The following SGCZ variants were observed in gnomAD, a reference collection of about 807,000 sequenced individuals.
SGCZ encodes the protein sarcoglycan zeta.
A neutral mutation model predicts 41.3 loss-of-function variants in SGCZ; 40 were observed. That is an observed-to-expected ratio of 0.97 (90% CI 0.75 to 1.26). The LOEUF (loss-of-function observed/expected upper bound fraction) is 1.26. Ranked by LOEUF, SGCZ falls within the 50% of genes most tolerant of loss-of-function variation. SGCZ has a pLI of 0.00. For missense variants in SGCZ, 552 were observed against 369.8 expected (o/e 1.49, Z -4.04); for synonymous variants, 206 against 137.5 (o/e 1.50, Z -3.49).
chr8:14,528,836 A>AT (rs1563388597), intron 2 of SGCZ, among the ~76,000 whole-genome samples: 1 of 21,900 alleles, frequency 4.6e-5, no homozygotes, highest in Non-Finnish European at 1.0e-4. Flanking sequence ...CCAAAAAAAA[A>AT]ACAAAACAAA....
chr8:14,583,339 C>G (rs1044443100), intron 1 of SGCZ, among the ~76,000 whole-genome samples: 18 of 152,168 alleles, frequency 1.2e-4, no homozygotes, highest in African/African-American at 4.3e-4. Context: ...GTCCTTCGCC[C>G]ACTTTTTGAT....
intron 2 of SGCZ, among the ~76,000 whole-genome samples, chr8:14,537,429 G>A (rs905175464): frequency 2.0e-5 from 3 of 151,890 alleles, no homozygotes; most frequent in Non-Finnish European, 2.9e-5. Context: ...AAACAAGACA[G>A]AGAAAAATAA....
intron 2 of SGCZ, among the ~76,000 whole-genome samples, chr8:14,372,435 C>T (rs1803948345): frequency 6.6e-6 from 1 of 152,058 alleles, no homozygotes; most frequent in South Asian, 2.1e-4. Flanking sequence ...GAGAAGTGAG[C>T]ATGAGAGGAT....
chr8:14,109,497 G>C (rs564412728), intron 5 of SGCZ, among the ~76,000 whole-genome samples: 1 of 152,148 alleles, frequency 6.6e-6, no homozygotes, highest in African/African-American at 2.4e-5. Context: ...CTTGCTTTAA[G>C]AACCTCATAC....
intron 2 of SGCZ, among the ~76,000 whole-genome samples, chr8:14,378,474 C>T (rs1468243799): frequency 6.6e-6 from 1 of 152,088 alleles, no homozygotes; most frequent in Admixed American, 6.6e-5. Flanking sequence ...AAAGAAACTA[C>T]CATCAGAGTA....
At chr8:14,555,936 A>G (rs973332461) in intron 1 of SGCZ, among the ~76,000 whole-genome samples, 3 of 152,100 alleles carry the variant, frequency 2.0e-5, no homozygotes, top group Non-Finnish European at 4.4e-5. Context: ...CTCTAAGAAC[A>G]CTATATATTA....
chr8:14,885,209 G>C (rs1804742962), intron 1 of SGCZ, among the ~76,000 whole-genome samples: 1 of 152,014 alleles, frequency 6.6e-6, no homozygotes, highest in South Asian at 2.1e-4. Flanking sequence ...TTTTTAAATT[G>C]GTCCAGTCAT....
At chr8:14,738,697 G>T (rs944044702) in intron 1 of SGCZ, among the ~76,000 whole-genome samples, 1 of 152,052 alleles carries the variant, frequency 6.6e-6, no homozygotes, top group Non-Finnish European at 1.5e-5. Flanking sequence ...TCCTTCAGAG[G>T]AGTCATGGTA....
In SGCZ at chr8:14,169,787, C is replaced by A. The variant is rs558194137; in HGVS notation, c.425-5085G>T. On this transcript the variant is annotated intron_variant, in intron 4 of 7. Transcript: ENST00000382080. ...GAAAAAGAGGCATATTTTTGTAAGA[C>A]TATAGGTACCGAGCATGATATAAAC... 4.6e-5 allele frequency among the ~76,000 whole-genome samples: 7 copies of A among 152,292 alleles called. No individual in the cohort carries two copies. In the South Asian group the frequency reaches 1.5e-3, roughly 32 times the overall value.
In SGCZ at chr8:14,750,240, C is replaced by T. The variant is rs118123020; in HGVS notation, c.40-195314G>A. On this transcript the variant is annotated intron_variant, in intron 1 of 7. Transcript: ENST00000382080. ...AAGAGATTACTTTCCTGTTACCTGT[C>T]CTGAGACTTAGGACCCAAGCAGGAT... Among the ~76,000 whole-genome samples, 852 of 152,006 alleles carry T rather than the reference C, an allele frequency of 5.6e-3. 2 individuals are homozygous for T. The highest frequency in any genetic ancestry group is 0.011 in the East Asian group (57 of 5,182).
At chr8:15,103,400 C>CTAAATAAA (rs3069836) in intron 1 of SGCZ, among the ~76,000 whole-genome samples, 39,596 of 142,900 alleles carry the variant, frequency 0.28, 5,683 homozygotes, top group African/African-American at 0.33. Flanking sequence ...GACCCTGTCT[C>CTAAATAAA]TAAATAAATA....
intron 1 of SGCZ, among the ~76,000 whole-genome samples, chr8:14,652,007 T>C (rs980456946): frequency 6.6e-6 from 1 of 151,934 alleles, no homozygotes; most frequent in East Asian, 1.9e-4. Context: ...TCCTGTGACT[T>C]TGGGGAAGTC....
At chr8:14,662,802 G>T (rs1243497701) in intron 1 of SGCZ, among the ~76,000 whole-genome samples, 2 of 152,178 alleles carry the variant, frequency 1.3e-5, no homozygotes, top group African/African-American at 2.4e-5. Flanking sequence ...GGAAGTGGAA[G>T]AAGAGGTAGA....
intron 2 of SGCZ, among the ~76,000 whole-genome samples, chr8:14,519,695 T>G (rs1385410562): frequency 3.3e-5 from 5 of 152,174 alleles, no homozygotes; most frequent in Non-Finnish European, 7.4e-5. Context: ...GCTGTTCATT[T>G]ATCTGCAATA....
At chr8:14,650,779 A>G (rs552974675) in intron 1 of SGCZ, among the ~76,000 whole-genome samples, 13 of 151,992 alleles carry the variant, frequency 8.6e-5, no homozygotes, top group African/African-American at 3.1e-4. Flanking sequence ...ACCCCTACCT[A>G]CTCCGGCTCG....
chr8:14,582,458 G>A (rs1016013188), intron 1 of SGCZ, among the ~76,000 whole-genome samples: 1 of 151,716 alleles, frequency 6.6e-6, no homozygotes, highest in Non-Finnish European at 1.5e-5. Flanking sequence ...ATTTTGGGGG[G>A]AGCTTATAAA....
At chr8:14,551,507 T>G (rs898384813) in intron 2 of SGCZ, among the ~76,000 whole-genome samples, 2 of 5,214 alleles carry the variant, frequency 3.8e-4, no homozygotes, top group African/African-American at 1.6e-3. Flanking sequence ...ATTATATATA[T>G]TATATATATT....
intron 1 of SGCZ, among the ~76,000 whole-genome samples, chr8:15,057,525 C>T (rs1804759118): frequency 6.6e-6 from 1 of 152,160 alleles, no homozygotes; most frequent in Non-Finnish European, 1.5e-5. Flanking sequence ...TATATTATTA[C>T]ATTATTCATT....
At chr8:14,486,002 C>T (rs1394271152) in intron 2 of SGCZ, among the ~76,000 whole-genome samples, 2 of 151,720 alleles carry the variant, frequency 1.3e-5, no homozygotes, top group African/African-American at 4.8e-5. Flanking sequence ...CCACCGCGCC[C>T]GGCTAATTTT....
Sources: gnomAD v4.1 joint callset for allele counts (sites outside exome capture counted in the v4.1 genomes callset) on GRCh38, gnomAD v4.1.1 for gene constraint, MANE v1.5 for transcripts, NCBI Gene and HGNC (gene_info 2026-07-23, HGNC 2026-07-21) for gene names.